The following ADAMTS16 variants were observed in gnomAD, a reference collection of about 807,000 sequenced individuals.
ADAMTS16 encodes the protein ADAM metallopeptidase with thrombospondin type 1 motif 16.
In ADAMTS16, 94 loss-of-function variants were observed where a neutral mutation model predicts 145.8. The observed-to-expected ratio is 0.64, with a 90% CI of 0.55 to 0.77. The LOEUF (loss-of-function observed/expected upper bound fraction) is 0.77. Among genes scored for constraint, ADAMTS16 ranks in the 30% least tolerant of loss-of-function variants. The pLI is 0.00. For missense variants in ADAMTS16, 1,585 were observed against 1,591.5 expected (o/e 1.00, Z 0.07); for synonymous variants, 659 against 604.3 (o/e 1.09, Z -1.33).
intron 16 of ADAMTS16, among the ~76,000 whole-genome samples, chr5:5,240,817 T>C (rs1285688583): frequency 6.6e-6 from 1 of 152,232 alleles, no homozygotes; most frequent in East Asian, 1.9e-4. Flanking sequence ...TATCCCTTTA[T>C]AAACAAATTT....
chr5:5,157,756 C>T (rs1734636961), intron 3 of ADAMTS16, among the ~76,000 whole-genome samples: 1 of 152,144 alleles, frequency 6.6e-6, no homozygotes, highest in Non-Finnish European at 1.5e-5. Flanking sequence ...TGAAAAAAAG[C>T]AAGAGCTTTT....
chr5:5,187,712 C>T lies in ADAMTS16; in HGVS notation c.964-13C>T. The T allele has an allele frequency of 6.3e-7, 1 of 1,595,688 alleles. No individual in the cohort carries two copies. The highest frequency in any genetic ancestry group is 8.6e-7 in the Non-Finnish European group (1 of 1,163,976). On this transcript the variant is annotated splice_polypyrimidine_tract_variant and intron_variant, in intron 5 of 22. Transcript: ENST00000274181. ...CATTTATGGGGCTGACATGGATTTC[C>T]TGTCTTTTTCAGGTATCTGCTTTAT...
At position 5,317,971 on chromosome 5, in the gene ADAMTS16, C is replaced by T. The variant is rs557902188; in HGVS notation, c.3412-163C>T. ...AAGGTGAGCAGGGACCGTGCTCACT[C>T]GCGCACATCGTGGCCAACCATAACT... is the stretch of plus-strand genomic sequence containing the variant. On this transcript the variant is annotated intron_variant, in intron 21 of 22. Coordinates refer to ENST00000274181, the MANE Select transcript of ADAMTS16 (RefSeq NM_139056.4). This position sits in a 1 kb window ranked among gnomAD's most constrained non-coding sequence, Gnocchi z 4.5. Among the ~76,000 whole-genome samples the T allele has an allele frequency of 2.2e-4, 34 of 152,316 alleles. No homozygotes were observed. The highest frequency in any genetic ancestry group is 7.5e-4 in the African/African-American group (31 of 41,570).
In ADAMTS16 at chr5:5,143,356, C is replaced by A. The variant is rs181605127; in HGVS notation, c.175+2590C>A. On this transcript the variant is annotated intron_variant, in intron 2 of 22. Coordinates refer to ENST00000274181, the MANE Select transcript of ADAMTS16 (RefSeq NM_139056.4). ...CAATTTTCAAAAGAAGACATTTATG[C>A]GGCCAACAAACATATGAAAAAAACC... 1.6e-3 allele frequency among the ~76,000 whole-genome samples: 245 copies of A among 152,206 alleles called. 2 individuals are homozygous for A. The Middle Eastern group carries it at 0.017, about 11-fold the overall frequency.
intron 18 of ADAMTS16, among the ~76,000 whole-genome samples, chr5:5,272,705 C>T (rs542052965): frequency 6.6e-6 from 1 of 152,278 alleles, no homozygotes; most frequent in South Asian, 2.1e-4. Flanking sequence ...ATTTGTTTTG[C>T]ACTGGGGCCC....
intron 18 of ADAMTS16, among the ~76,000 whole-genome samples, chr5:5,302,388 C>A (rs12518997): frequency 0.74 from 112,355 of 152,082 alleles, 41,916 homozygotes; most frequent in South Asian, 0.82. Flanking sequence ...GGAAGAATGC[C>A]TGATAACTTA....
At chr5:5,221,852 G>A (rs529975139) in intron 10 of ADAMTS16, among the ~76,000 whole-genome samples, 118 of 152,296 alleles carry the variant, frequency 7.7e-4, no homozygotes, top group East Asian at 3.1e-3. Flanking sequence ...GCACTACGTC[G>A]ATGTGTTTCA....
intron 17 of ADAMTS16, among the ~76,000 whole-genome samples, chr5:5,250,238 C>T (rs1737579810): frequency 1.3e-5 from 2 of 152,154 alleles, no homozygotes; most frequent in South Asian, 2.1e-4. Context: ...TATTTCCCTG[C>T]CTCCTGTTCA....
At chr5:5,295,545 C>T (rs562433178) in intron 18 of ADAMTS16, among the ~76,000 whole-genome samples, 11 of 152,350 alleles carry the variant, frequency 7.2e-5, no homozygotes, top group South Asian at 2.1e-4. Context: ...ACCTCACCCA[C>T]GGGTGCTCAG....
rs533264360 is a variant in ADAMTS16 at position 5,246,023 on chromosome 5, T to A, written c.2662+3832T>A. On this transcript the variant is annotated intron_variant, in intron 17 of 22. Transcript: ENST00000274181. The stretch of plus-strand genomic sequence containing the variant: ...AATATTGCCCAGAACCAGTTTATCT[T>A]ATTGTGTCTGTCTCTGAGACAGAGA... Among the ~76,000 whole-genome samples, 3 of 152,316 alleles carry A rather than the reference T, an allele frequency of 2.0e-5. No individual in the cohort carries two copies. The East Asian group carries it at 5.8e-4, about 29-fold the overall frequency.
At position 5,170,881 on chromosome 5, in the gene ADAMTS16, C is replaced by T. The variant is rs532043882; in HGVS notation, c.502-11163C>T. Among the ~76,000 whole-genome samples, 28 of 152,112 alleles carry T rather than the reference C, an allele frequency of 1.8e-4. No homozygotes were observed. The East Asian group carries it at 5.0e-3, about 27-fold the overall frequency. ...TTTAACTTGCAGGGATCCCATTGGT[C>T]CATTTTTGCTTTGGTTGCCTGTACT... On this transcript the variant is annotated intron_variant, in intron 3 of 22. Transcript: ENST00000274181.
At position 5,192,571 on chromosome 5, in the gene ADAMTS16, C is replaced by T. The variant is rs1735693130; in HGVS notation, c.1313+781C>T. ...GGCCTCTAGGAACTGATTTGCCTCC[C>T]TTATTCCACCTCTGACTGCACCATT... is the stretch of plus-strand genomic sequence containing the variant. On this transcript the variant is annotated intron_variant, in intron 8 of 22. Coordinates refer to ENST00000274181, the MANE Select transcript of ADAMTS16 (RefSeq NM_139056.4). Among the ~76,000 whole-genome samples the T allele has an allele frequency of 2.0e-5, 3 of 152,134 alleles. No individual in the cohort carries two copies. The South Asian group carries it at 6.2e-4, about 32-fold the overall frequency.
chr5:5,218,761 CT>C (rs779134348), intron 10 of ADAMTS16, among the ~76,000 whole-genome samples: 14 of 152,164 alleles, frequency 9.2e-5, no homozygotes, highest in Non-Finnish European at 2.1e-4. Flanking sequence ...GGAAGGTGGT[CT>C]TCCCCTGGAG....
chr5:5,264,840 T>C (rs983890548), intron 18 of ADAMTS16, among the ~76,000 whole-genome samples: 2 of 152,214 alleles, frequency 1.3e-5, no homozygotes, highest in Non-Finnish European at 2.9e-5. Flanking sequence ...TGGGACACCC[T>C]CTGGGGGACC....
In ADAMTS16 at chr5:5,182,769, AG is replaced by A. The variant is rs1735377124; in HGVS notation, c.763+465del. Among the ~76,000 whole-genome samples the A allele has an allele frequency of 6.8e-5, 10 of 147,682 alleles. No homozygotes were observed. In the South Asian group the frequency reaches 2.2e-3, roughly 32 times the overall value. On this transcript the variant is annotated intron_variant, in intron 4 of 22. Transcript: ENST00000274181. ...TAGTAGACCTGCGATTTATCACCAA[AG>A]CTTTATCAGAGTCTTTTTTTGTCAT... is the stretch of plus-strand genomic sequence containing the variant.
At chr5:5,150,942 A>T (rs147445560) in intron 3 of ADAMTS16, among the ~76,000 whole-genome samples, 116 of 152,340 alleles carry the variant, frequency 7.6e-4, no homozygotes, top group African/African-American at 2.7e-3. Flanking sequence ...GGTATCCATT[A>T]TGCATATGTT....
At chr5:5,204,812 G>T (rs986856897) in intron 9 of ADAMTS16, among the ~76,000 whole-genome samples, 13 of 152,224 alleles carry the variant, frequency 8.5e-5, no homozygotes, top group African/African-American at 2.9e-4. Flanking sequence ...AAATGTATAA[G>T]CACAGGTGCA....
chr5:5,208,207 G>A (rs563503174), intron 9 of ADAMTS16, among the ~76,000 whole-genome samples: 33 of 152,270 alleles, frequency 2.2e-4, no homozygotes, highest in African/African-American at 4.1e-4. Flanking sequence ...GTGGGACTGG[G>A]GGTCCTAGAA....
chr5:5,312,700 C>T (rs751256783), intron 21 of ADAMTS16, among the ~76,000 whole-genome samples: 9 of 152,142 alleles, frequency 5.9e-5, no homozygotes, highest in Non-Finnish European at 8.8e-5. Context: ...GAAGTGGATT[C>T]GCCCACTTCG....
Sources: allele counts gnomAD v4.1 joint callset (sites outside exome capture counted in the v4.1 genomes callset), GRCh38; gene constraint gnomAD v4.1.1; non-coding constraint Gnocchi (gnomAD v3.1); transcripts MANE v1.5; gene names NCBI Gene and HGNC (gene_info 2026-07-23, HGNC 2026-07-21).